The following GCLC variants were observed in gnomAD, a reference collection of about 807,000 sequenced individuals.
The protein encoded by GCLC is glutamate--cysteine ligase catalytic subunit.
In GCLC, 30 loss-of-function variants were observed where a neutral mutation model predicts 81.5. The ratio of observed to expected loss-of-function variants is 0.37; its 90% CI spans 0.28 to 0.50. GCLC has a LOEUF of 0.50. Among genes scored for constraint, GCLC ranks in the 20% least tolerant of loss-of-function variants. The probability of loss-of-function intolerance (pLI) is 0.96; values close to 1 mark genes in which losing one functional copy is unlikely to be tolerated. For synonymous variants in GCLC, 262 were observed against 273.3 expected, an observed-to-expected ratio of 0.96 and a Z score of 0.41; for missense variants, 556 against 777.4, an observed-to-expected ratio of 0.72 and a Z score of 3.39.
At chr6:53,527,089 A>C (rs1218857606) in intron 1 of GCLC, among the ~76,000 whole-genome samples, 4 of 152,174 alleles carry the variant, frequency 2.6e-5, no homozygotes, top group African/African-American at 7.2e-5. Context: ...ATGAGCTGTG[A>C]GGTCCTACAT....
chr6:53,503,845 T>C (rs1225449308), intron 12 of GCLC, among the ~76,000 whole-genome samples: 1 of 152,224 alleles, frequency 6.6e-6, no homozygotes, highest in African/African-American at 2.4e-5. Flanking sequence ...TTTCCATAAT[T>C]TCCATTTCTT....
Position 53,505,790 on chromosome 6 carries a change from G to A in GCLC, c.1290+13C>T. ...TACTTTTGAGTCAGTTCTTGCTGAT[G>A]CATGTGTCTTACCTCCATGGGTCGA... is the stretch of plus-strand genomic sequence containing the variant. On this transcript the variant is annotated intron_variant, in intron 11 of 15. Transcript: ENST00000650454. 3 of 1,463,392 alleles carry A rather than the reference G, an allele frequency of 2.1e-6. No homozygotes were observed. The highest frequency in any genetic ancestry group is 2.9e-6 in the Non-Finnish European group (3 of 1,042,230). The allele number at this position is 1,463,392 out of a possible 1,614,324, so 90.7% of individuals were successfully genotyped here. A position where few individuals can be genotyped will look rare whatever the true frequency, so the allele number is the denominator to read the frequency against.
intron 1 of GCLC, among the ~76,000 whole-genome samples, chr6:53,527,559 G>A (rs1763103477): frequency 6.6e-6 from 1 of 152,122 alleles, no homozygotes; most frequent in South Asian, 2.1e-4. Flanking sequence ...AGCAGGTGCT[G>A]GGAATACTGT....
chr6:53,529,101 C>A (rs1328553807), intron 1 of GCLC, among the ~76,000 whole-genome samples: 1 of 152,206 alleles, frequency 6.6e-6, no homozygotes, highest in Non-Finnish European at 1.5e-5. Context: ...CAGTTTCCTA[C>A]TCCCTAATGG....
rs137859221 is a variant in GCLC at position 53,500,138 on chromosome 6, T to C, written c.1609A>G (p.Ile537Val). The C allele has an allele frequency of 1.9e-6, 3 of 1,613,616 alleles. No individual in the cohort carries two copies. The highest frequency in any genetic ancestry group is 1.3e-5 in the African/African-American group (1 of 74,920). Reference sequence around the variant, plus strand: ...ATGTTTTCAAGGTAAGAGTTCAGAATTGGGATCAGTCCAGGAAACACACCT... The same window carrying C: ...ATGTTTTCAAGGTAAGAGTTCAGAACTGGGATCAGTCCAGGAAACACACCT... The part of the protein sequence containing the change: ...KEGVFPGLIP[I>V]LNSYLENMEV... Residue 537 changes from isoleucine (I) to valine (V), a missense_variant, in exon 15 of 16, where the codon ATT (isoleucine) becomes GTT (valine). Physicochemically the swap from Ile to Val is conservative, Grantham distance 29 (BLOSUM62 3). This residue lies in a region of GCLC where 313 missense variants were observed against 437.3 expected (regional missense o/e 0.72). Transcript: ENST00000650454.
intron 1 of GCLC, among the ~76,000 whole-genome samples, chr6:53,536,392 A>G (rs554695158): frequency 9.2e-5 from 14 of 152,362 alleles, no homozygotes; most frequent in African/African-American, 3.4e-4. Flanking sequence ...TGATGTATAC[A>G]TATATCAAAA....
At chr6:53,530,705 C>T (rs74799603) in intron 1 of GCLC, among the ~76,000 whole-genome samples, 1,934 of 152,184 alleles carry the variant, frequency 0.013, 36 homozygotes, top group African/African-American at 0.044. Flanking sequence ...TCAATGGTGT[C>T]GTTTTGAAAG....
At chr6:53,526,153 T>A (rs1418943644) in intron 1 of GCLC, among the ~76,000 whole-genome samples, 1 of 152,214 alleles carries the variant, frequency 6.6e-6, no homozygotes, top group Non-Finnish European at 1.5e-5. Flanking sequence ...AAGGCTAGTA[T>A]GTACTTTGCT....
intron 1 of GCLC, 162 bp from the exon 2 acceptor site, chr6:53,522,689 T>C: frequency 1.7e-6 from 1 of 585,522 alleles, no homozygotes; most frequent in Non-Finnish European, 3.1e-6. Flanking sequence ...TTCATATGCA[T>C]AATATGGAAA....
rs1763427487 is a variant in GCLC at position 53,544,978 on chromosome 6, C to CGCTGCCGCGGCG, written c.-345_-334dup. 2 of 192,978 alleles carry CGCTGCCGCGGCG rather than the reference C, an allele frequency of 1.0e-5. No individual in the cohort carries two copies. The highest frequency in any genetic ancestry group is 6.1e-5 in the Admixed American group (1 of 16,320). 12.0% of individuals were successfully genotyped at this position (192,978 alleles called of 1,614,324 possible). A position where few individuals can be genotyped will look rare whatever the true frequency, so the allele number is the denominator to read the frequency against. On this transcript the variant is annotated 5_prime_UTR_variant, in exon 1 of 16. Coordinates refer to ENST00000650454, the MANE Select transcript of GCLC (RefSeq NM_001498.4). ...GCGGCGGCGGCGGACCCCACGGCCG[C>CGCTGCCGCGGCG]GCTGCCGCGGCGGCTCCCGCTTCTC...
chr6:53,520,953 T>A lies in GCLC; in HGVS notation c.271A>T (p.Thr91Ser). The change falls in exon 3 of 16, where the codon ACC becomes TCC. Residue 91 changes from threonine (T) to serine (S), a missense_variant. By Grantham distance (58) the Thr-to-Ser change is moderately conservative. Around this residue, in one of 3 missense-constraint regions of GCLC, gnomAD observed 234 missense variants for 303.8 expected, o/e 0.77. Coordinates refer to ENST00000650454, the MANE Select transcript of GCLC (RefSeq NM_001498.4). ...KGERTNPNHP[T>S]LWRPEYGSYM... is the part of the protein sequence containing the mutation. ...CTCCCATACTCTGGTCTCCAAAGGG[T>A]AGGATGGCTACGGAGGAGAAATAAC... is the stretch of plus-strand genomic sequence containing the variant. 6.2e-7 allele frequency: 1 copy of A among 1,612,142 alleles called. No individual in the cohort carries two copies. The highest frequency in any genetic ancestry group is 8.5e-7 in the Non-Finnish European group (1 of 1,178,194).
At chr6:53,514,631 G>GT in intron 4 of GCLC, 134 bp from the exon 5 acceptor site, 1 of 753,868 alleles carries the variant, frequency 1.3e-6, no homozygotes, top group South Asian at 1.4e-5. Flanking sequence ...AACAGAAAAT[G>GT]TATCTGTGGT....
chr6:53,505,568 C>T, intron 11 of GCLC, 72 bp from the exon 12 acceptor site: 1 of 853,754 alleles, frequency 1.2e-6, no homozygotes, highest in South Asian at 1.4e-5. Flanking sequence ...CCAGGCCCTT[C>T]CTCAGATCAT....
intron 3 of GCLC, 131 bp from the exon 4 acceptor site, chr6:53,516,353 C>A (rs986601158): frequency 2.9e-6 from 2 of 691,482 alleles, no homozygotes; most frequent in African/African-American, 1.8e-5. Context: ...TTTGTGTTTA[C>A]AAAACAGATG....
At chr6:53,530,581 T>C (rs1308005895) in intron 1 of GCLC, among the ~76,000 whole-genome samples, 2 of 152,226 alleles carry the variant, frequency 1.3e-5, no homozygotes, top group East Asian at 3.8e-4. Context: ...GGGCTCGTCC[T>C]GCATCTGCCT....
At chr6:53,518,869 T>G (rs1040740811) in intron 3 of GCLC, among the ~76,000 whole-genome samples, 1 of 152,186 alleles carries the variant, frequency 6.6e-6, no homozygotes, top group African/African-American at 2.4e-5. Flanking sequence ...TGGCCTCTAC[T>G]CTAGTACTCT....
At chr6:53,504,861 A>G (rs1764583451) in intron 12 of GCLC, among the ~76,000 whole-genome samples, 2 of 152,292 alleles carry the variant, frequency 1.3e-5, no homozygotes, top group South Asian at 4.1e-4. Context: ...TGCCAAGAGG[A>G]ACCCTGGCCC....
chr6:53,544,471 G>A (rs951151653), intron 1 of GCLC, 25 bp downstream of exon 1: 3 of 1,603,090 alleles, frequency 1.9e-6, no homozygotes, highest in African/African-American at 2.7e-5. Flanking sequence ...GGTGCCCGGC[G>A]GGGACGGGGA....
At chr6:53,520,075 T>C (rs1216948272) in intron 3 of GCLC, among the ~76,000 whole-genome samples, 1 of 152,220 alleles carries the variant, frequency 6.6e-6, no homozygotes, top group African/African-American at 2.4e-5. Flanking sequence ...CATAGATAAA[T>C]CACATTCATG....
Sources: allele counts gnomAD v4.1 joint callset (sites outside exome capture counted in the v4.1 genomes callset), GRCh38; gene constraint gnomAD v4.1.1; regional missense constraint gnomAD v4.1.1; transcripts MANE v1.5; gene names NCBI Gene and HGNC (gene_info 2026-07-23, HGNC 2026-07-21).